Variants in ARHGAP32 observed in about 807,000 individuals in gnomAD.
ARHGAP32 encodes the protein Rho GTPase activating protein 32.
A neutral mutation model predicts 186.5 loss-of-function variants in ARHGAP32; 51 were observed. The ratio of observed to expected loss-of-function variants is 0.27; its 90% CI spans 0.22 to 0.35. The LOEUF (loss-of-function observed/expected upper bound fraction) is 0.35, where lower values mean the gene tolerates loss of function less well. ARHGAP32 is among the 10% of genes least tolerant of loss of function. The pLI is 1.00. For synonymous variants in ARHGAP32, 950 were observed against 964.3 expected, an observed-to-expected ratio of 0.99 and a Z score of 0.27; for missense variants, 2,186 against 2,623.5, an observed-to-expected ratio of 0.83 and a Z score of 3.64.
At chr11:129,141,780 G>A (rs556620) in intron 2 of ARHGAP32, among the ~76,000 whole-genome samples, 18,748 of 150,526 alleles carry the variant, frequency 0.12, 1,330 homozygotes, top group Non-Finnish European at 0.15. Flanking sequence ...ATAGGATTAT[G>A]GGAAAGCCTC....
At position 129,271,641 on chromosome 11, in the gene ARHGAP32, T is replaced by C. The variant is rs761163211; in HGVS notation, c.-5+7505A>G. 1.1e-4 allele frequency among the ~76,000 whole-genome samples: 16 copies of C among 152,066 alleles called. 1 individual carries two copies. Among genetic ancestry groups the C allele is most frequent in the Non-Finnish European group, 2.2e-4 (15 of 68,006 alleles). On this transcript the variant is annotated intron_variant, in intron 1 of 6. Transcript: ENST00000525234. ...AGCCTCATCGGCATATAAATGGTAT[T>C]TGAAACCAAAAATTGGATGAAATCA...
chr11:128,983,262 T>C (rs912092691), intron 15 of ARHGAP32, among the ~76,000 whole-genome samples: 1 of 152,178 alleles, frequency 6.6e-6, no homozygotes, highest in Non-Finnish European at 1.5e-5. Context: ...AAGGGCATTG[T>C]AGTTGCTTTA....
chr11:129,032,416 CA>C lies in ARHGAP32; in HGVS notation c.1045+8511del, dbSNP rs369445945. Among the ~76,000 whole-genome samples the C allele has an allele frequency of 5.8e-3, 890 of 152,344 alleles. 3 individuals are homozygous for C. Among genetic ancestry groups the C allele is most frequent in the African/African-American group, 0.02 (842 of 41,576 alleles). ...AATTATAAAAAAATTAAATAATACA[CA>C]ACCAAATGGAGAAAAAATGAAATGT... is the stretch of plus-strand genomic sequence containing the variant. On this transcript the variant is annotated intron_variant, in intron 11 of 22. Coordinates refer to ENST00000682385, the MANE Select transcript of ARHGAP32 (RefSeq NM_001378024.1).
intron 1 of ARHGAP32, among the ~76,000 whole-genome samples, chr11:129,200,314 GT>G (rs1386277302): frequency 1.3e-5 from 2 of 152,120 alleles, no homozygotes; most frequent in African/African-American, 4.8e-5. Context: ...GTTTGGCTGT[GT>G]CCCCACCCAA....
intron 6 of ARHGAP32, among the ~76,000 whole-genome samples, chr11:129,092,955 G>C (rs1941620111): frequency 6.6e-6 from 1 of 151,982 alleles, no homozygotes; most frequent in South Asian, 2.1e-4. Flanking sequence ...TATACTAAGT[G>C]CTTACATGAT....
At chr11:129,140,797 T>C (rs571528772) in intron 2 of ARHGAP32, among the ~76,000 whole-genome samples, 76 of 152,212 alleles carry the variant, frequency 5.0e-4, no homozygotes, top group Non-Finnish European at 9.7e-4. Flanking sequence ...CCTGGCAATC[T>C]TGCATTTTAA....
intron 1 of ARHGAP32, among the ~76,000 whole-genome samples, chr11:129,223,779 T>C (rs1245719072): frequency 2.0e-5 from 3 of 152,170 alleles, no homozygotes; most frequent in Non-Finnish European, 4.4e-5. Context: ...GATTTCTACA[T>C]GCCAGGATTT....
At chr11:128,992,853 A>G (rs1413243930) in intron 12 of ARHGAP32, among the ~76,000 whole-genome samples, 1 of 152,242 alleles carries the variant, frequency 6.6e-6, no homozygotes, top group Non-Finnish European at 1.5e-5. Flanking sequence ...GCTCAAAAAA[A>G]GTACTATGTG....
In ARHGAP32 at chr11:128,968,383, G is replaced by A. The variant is rs889316742; in HGVS notation, c.*524C>T. ...CTTGAAGGATCAGGGATTTTTCCAC[G>A]ACTCTAACTGAACACAAGATCCTTC... On this transcript the variant is annotated 3_prime_UTR_variant, in exon 23 of 23. Coordinates refer to ENST00000682385, the MANE Select transcript of ARHGAP32 (RefSeq NM_001378024.1). The A allele has an allele frequency of 5.9e-5, 9 of 152,082 alleles. 1 individual carries two copies. The highest frequency in any genetic ancestry group is 1.9e-4 in the East Asian group (1 of 5,202). 9.4% of individuals were successfully genotyped at this position (152,082 alleles called of 1,614,324 possible).
intron 1 of ARHGAP32, among the ~76,000 whole-genome samples, chr11:129,198,003 A>T (rs957162141): frequency 6.6e-6 from 1 of 152,222 alleles, no homozygotes; most frequent in African/African-American, 2.4e-5. Context: ...TAAAGAATCC[A>T]GTTAATTTAA....
At chr11:129,233,384 T>G (rs1159786893) in intron 1 of ARHGAP32, among the ~76,000 whole-genome samples, 1 of 152,150 alleles carries the variant, frequency 6.6e-6, no homozygotes, top group African/African-American at 2.4e-5. Context: ...AAAAAGATTT[T>G]TGACCTAACC....
intron 11 of ARHGAP32, among the ~76,000 whole-genome samples, chr11:129,007,947 T>C (rs1937872702): frequency 6.6e-6 from 1 of 152,110 alleles, no homozygotes; most frequent in African/African-American, 2.4e-5. Flanking sequence ...GGCCCCTCCA[T>C]GGGTAGGCAT....
intron 6 of ARHGAP32, among the ~76,000 whole-genome samples, chr11:129,088,468 T>C (rs1312871139): frequency 6.6e-6 from 1 of 152,080 alleles, no homozygotes; most frequent in Non-Finnish European, 1.5e-5. Context: ...TAATCTCAGA[T>C]ACTCGGGAGG....
chr11:128,968,634 G>A lies in ARHGAP32; in HGVS notation c.*273C>T, dbSNP rs1945271419. 3.5e-6 allele frequency: 1 copy of A among 283,682 alleles called. No homozygotes were observed. The allele number at this position is 283,682 out of a possible 1,614,324, so 17.6% of individuals were successfully genotyped here. ...CAAGCTAGCCCTAGATGGCAAGTGT[G>A]TCCTGAGACAGGTTTCTCTACTGGG... On this transcript the variant is annotated 3_prime_UTR_variant, in exon 23 of 23. Coordinates refer to ENST00000682385, the MANE Select transcript of ARHGAP32 (RefSeq NM_001378024.1).
rs139316098 is a variant in ARHGAP32 at position 129,068,495 on chromosome 11, G to A, written c.532-1627C>T. 1.3e-4 allele frequency among the ~76,000 whole-genome samples: 20 copies of A among 152,172 alleles called. No individual in the cohort carries two copies. The East Asian group carries it at 3.5e-3, about 26-fold the overall frequency. ...ATCATTTTATTTCAAATTTGCCAAA[G>A]TGGTAACACCAATTTATTCACCCAA... is the stretch of plus-strand genomic sequence containing the variant. On this transcript the variant is annotated intron_variant, in intron 6 of 22. Transcript: ENST00000682385.
chr11:129,131,555 T>C (rs1278866840), intron 2 of ARHGAP32, among the ~76,000 whole-genome samples: 1 of 151,848 alleles, frequency 6.6e-6, no homozygotes, highest in Non-Finnish European at 1.5e-5. Flanking sequence ...AAGTCTCCAA[T>C]AAAAAACCAC....
At chr11:129,021,318 A>C (rs937980856) in intron 11 of ARHGAP32, among the ~76,000 whole-genome samples, 1 of 152,068 alleles carries the variant, frequency 6.6e-6, no homozygotes, top group African/African-American at 2.4e-5. Flanking sequence ...ATGGGCCACA[A>C]ACTGCTTCTT....
At chr11:129,044,067 T>C (rs1591560344) in intron 10 of ARHGAP32, among the ~76,000 whole-genome samples, 4 of 152,206 alleles carry the variant, frequency 2.6e-5, no homozygotes. Context: ...GTTTTCATCA[T>C]GTTTTATATA....
intron 1 of ARHGAP32, among the ~76,000 whole-genome samples, chr11:129,197,937 G>A (rs1184262918): frequency 6.6e-6 from 1 of 152,134 alleles, no homozygotes; most frequent in Non-Finnish European, 1.5e-5. Flanking sequence ...GGTATCTAAA[G>A]AGGAAACAAT....
Sources: allele counts gnomAD v4.1 joint callset (sites outside exome capture counted in the v4.1 genomes callset), GRCh38; gene constraint gnomAD v4.1.1; transcripts MANE v1.5; gene names NCBI Gene and HGNC (gene_info 2026-07-23, HGNC 2026-07-21).